DPY19L1: variants seen among roughly 807,000 people sequenced by gnomAD.
DPY19L1 encodes protein C-mannosyl-transferase DPY19L1.
Under a neutral mutation model 96.9 loss-of-function variants are expected in DPY19L1, and 35 were observed. The ratio of observed to expected loss-of-function variants is 0.36; its 90% CI spans 0.28 to 0.48. The LOEUF is 0.48. Ranked by LOEUF, DPY19L1 falls within the 20% of genes least tolerant of loss-of-function variation. The probability of loss-of-function intolerance (pLI) is 0.99; values close to 1 mark genes in which losing one functional copy is unlikely to be tolerated. For synonymous variants in DPY19L1, 205 were observed against 252.6 expected, an observed-to-expected ratio of 0.81 and a Z score of 1.79; for missense variants, 521 against 777.9, an observed-to-expected ratio of 0.67 and a Z score of 3.93.
chr7:35,014,650 T>C (rs1458292131), intron 3 of DPY19L1, among the ~76,000 whole-genome samples: 1 of 152,228 alleles, frequency 6.6e-6, no homozygotes, highest in Non-Finnish European at 1.5e-5. Flanking sequence ...ATGTATCGAC[T>C]CTGATACCAC....
intron 6 of DPY19L1, among the ~76,000 whole-genome samples, chr7:34,995,475 G>A (rs557765225): frequency 6.6e-6 from 1 of 152,092 alleles, no homozygotes; most frequent in African/African-American, 2.4e-5. Context: ...GATATAAAAT[G>A]AAGGGATAAT....
intron 1 of DPY19L1, 108 bp from the exon 2 acceptor site, chr7:35,018,704 G>A (rs2128680241): frequency 1.0e-6 from 1 of 973,832 alleles, no homozygotes; most frequent in Non-Finnish European, 1.6e-6. Flanking sequence ...GTGTAAAAAA[G>A]AATACTGGGT....
At chr7:34,945,751 G>C (rs1387270032) in intron 15 of DPY19L1, 35 bp from the exon 16 acceptor site, 4 of 1,423,982 alleles carry the variant, frequency 2.8e-6, no homozygotes, top group Non-Finnish European at 3.9e-6. Context: ...TAGAAAAGCT[G>C]TGTTGGGAAA....
intron 11 of DPY19L1, among the ~76,000 whole-genome samples, chr7:34,956,472 C>T (rs766380984): frequency 2.0e-5 from 3 of 151,786 alleles, no homozygotes; most frequent in Non-Finnish European, 2.9e-5. Context: ...AGGGTGGCGG[C>T]CCACACTGGG....
At chr7:35,035,997 G>T (rs1286485989) in intron 1 of DPY19L1, among the ~76,000 whole-genome samples, 1 of 151,906 alleles carries the variant, frequency 6.6e-6, no homozygotes, top group Non-Finnish European at 1.5e-5. Flanking sequence ...GCTTGAATCG[G>T]CAATGGGGGG....
At chr7:35,032,472 C>T (rs1786282909) in intron 1 of DPY19L1, among the ~76,000 whole-genome samples, 1 of 152,076 alleles carries the variant, frequency 6.6e-6, no homozygotes, top group Non-Finnish European at 1.5e-5. Context: ...AGAGTAAGCC[C>T]CCTATCAGTA....
At chr7:35,010,870 A>G (rs138020952) in intron 5 of DPY19L1, among the ~76,000 whole-genome samples, 6 of 152,248 alleles carry the variant, frequency 3.9e-5, no homozygotes, top group Admixed American at 1.3e-4. Flanking sequence ...GGCAGAAGCA[A>G]CACTATGTGA....
intron 7 of DPY19L1, among the ~76,000 whole-genome samples, chr7:34,989,100 A>T (rs187367341): frequency 6.6e-6 from 1 of 152,204 alleles, no homozygotes; most frequent in Non-Finnish European, 1.5e-5. Flanking sequence ...TCCAGAGTCT[A>T]TATTTTTTAC....
At chr7:35,037,857 G>T (rs1786486308), upstream of DPY19L1, 4 of 1,235,054 alleles carry the variant, frequency 3.2e-6, no homozygotes, top group Non-Finnish European at 2.0e-6. Flanking sequence ...GTGCGAGGAC[G>T]CGGGGGCGGA....
chr7:35,030,057 AG>A (rs1786223709), intron 1 of DPY19L1, among the ~76,000 whole-genome samples: 1 of 152,240 alleles, frequency 6.6e-6, no homozygotes, highest in East Asian at 1.9e-4. Context: ...AGATGAGAAA[AG>A]AGTGAGAAAT....
chr7:34,937,851 C>T (rs559896880), intron 21 of DPY19L1, 143 bp downstream of exon 21: 8 of 782,028 alleles, frequency 1.0e-5, no homozygotes, highest in Middle Eastern at 4.0e-4. Flanking sequence ...AGAGTGAGAG[C>T]CTGTTTAAAA....
At chr7:35,029,153 C>T (rs1409035179) in intron 1 of DPY19L1, among the ~76,000 whole-genome samples, 1 of 152,202 alleles carries the variant, frequency 6.6e-6, no homozygotes, top group Non-Finnish European at 1.5e-5. Flanking sequence ...TTTTACTCAG[C>T]CTCCATTCGA....
chr7:35,021,801 C>T (rs1248458403), intron 1 of DPY19L1, among the ~76,000 whole-genome samples: 3 of 152,024 alleles, frequency 2.0e-5, no homozygotes, highest in African/African-American at 7.2e-5. Flanking sequence ...CTAAAGTATT[C>T]CTACTCTCCC....
At chr7:34,934,515 C>T (rs1040614582) in intron 21 of DPY19L1, among the ~76,000 whole-genome samples, 8 of 152,168 alleles carry the variant, frequency 5.3e-5, no homozygotes, top group African/African-American at 1.9e-4. Flanking sequence ...AATGCAGCTA[C>T]AAACAGTCTT....
chr7:34,981,104 T>C (rs1370973571), intron 7 of DPY19L1, among the ~76,000 whole-genome samples: 1 of 152,184 alleles, frequency 6.6e-6, no homozygotes, highest in Non-Finnish European at 1.5e-5. Flanking sequence ...TACAAGATTG[T>C]ATACATATGT....
At chr7:34,964,484 G>A (rs1248631753) in intron 10 of DPY19L1, among the ~76,000 whole-genome samples, 2 of 152,132 alleles carry the variant, frequency 1.3e-5, no homozygotes, top group Non-Finnish European at 2.9e-5. Context: ...GAACAAGGAT[G>A]TAAAAATCCT....
At chr7:35,019,922 G>C (rs10951433) in intron 1 of DPY19L1, among the ~76,000 whole-genome samples, 29,816 of 152,010 alleles carry the variant, frequency 0.2, 3,306 homozygotes, top group Admixed American at 0.35. Flanking sequence ...TACTCGGCTG[G>C]AGGAAGTAGG....
At chr7:34,999,467 A>C (rs1005408055) in intron 6 of DPY19L1, among the ~76,000 whole-genome samples, 101 of 152,348 alleles carry the variant, frequency 6.6e-4, no homozygotes, top group African/African-American at 2.3e-3. Flanking sequence ...TATGATCCTC[A>C]AAAGGATGAA....
intron 7 of DPY19L1, among the ~76,000 whole-genome samples, chr7:34,989,287 T>C (rs1785113696): frequency 6.6e-6 from 1 of 152,154 alleles, no homozygotes; most frequent in Non-Finnish European, 1.5e-5. Context: ...ATAACTAAAT[T>C]GTTAGCTTTC....
Sources: allele counts gnomAD v4.1 joint callset (sites outside exome capture counted in the v4.1 genomes callset), GRCh38; gene constraint gnomAD v4.1.1; transcripts MANE v1.5; gene names NCBI Gene and HGNC (gene_info 2026-07-23, HGNC 2026-07-21).